Variants in TTBK2 observed in about 807,000 individuals in gnomAD.
The protein encoded by TTBK2 is tau-tubulin kinase 2.
A neutral mutation model predicts 110.8 loss-of-function variants in TTBK2; 28 were observed. That is an observed-to-expected ratio of 0.25 (90% CI 0.19 to 0.35). TTBK2 has a LOEUF of 0.35. Among genes scored for constraint, TTBK2 ranks in the 10% least tolerant of loss-of-function variants. The pLI, the probability that TTBK2 is intolerant of heterozygous loss-of-function variation, is 1.00. For synonymous variants in TTBK2, 532 were observed against 527.3 expected (o/e 1.01, Z -0.12); for missense variants, 1,369 against 1,500.3 (o/e 0.91, Z 1.45).
intron 1 of TTBK2, among the ~76,000 whole-genome samples, chr15:42,897,312 G>T (rs989194101): frequency 2.0e-5 from 3 of 152,062 alleles, no homozygotes; most frequent in African/African-American, 7.2e-5. Flanking sequence ...ATGTAACAGA[G>T]ATCTATAATC....
chr15:42,807,168 G>T (rs1471223773), intron 9 of TTBK2, among the ~76,000 whole-genome samples: 2 of 152,146 alleles, frequency 1.3e-5, no homozygotes, highest in East Asian at 3.8e-4. Context: ...AACCTGGAAA[G>T]TATATTAAGA....
intron 13 of TTBK2, among the ~76,000 whole-genome samples, chr15:42,760,384 C>CAAAAAAAAAAAA (rs3036888): frequency 2.2e-5 from 2 of 89,184 alleles, no homozygotes; most frequent in Non-Finnish European, 4.5e-5. Context: ...GACTCCATCT[C>CAAAAAAAAAAAA]AAAAAAAAAA....
At chr15:42,833,247 T>TAAAAAAA (rs35997543) in intron 4 of TTBK2, among the ~76,000 whole-genome samples, 20 of 74,832 alleles carry the variant, frequency 2.7e-4, no homozygotes, top group East Asian at 7.3e-4. Flanking sequence ...CCAAATTTTG[T>TAAAAAAA]AAAAAAAAAA....
intron 7 of TTBK2, among the ~76,000 whole-genome samples, chr15:42,816,499 ATATC>A (rs1274647233): frequency 6.6e-6 from 1 of 152,080 alleles, no homozygotes; most frequent in Non-Finnish European, 1.5e-5. Flanking sequence ...GCAGCTGCAC[ATATC>A]TATTATCCAC....
chr15:42,844,989 A>C (rs1595977164), intron 3 of TTBK2, among the ~76,000 whole-genome samples: 1 of 152,356 alleles, frequency 6.6e-6, no homozygotes, highest in East Asian at 1.9e-4. Context: ...ACGTAAACAA[A>C]AAAAGTAATA....
At chr15:42,782,017 A>G (rs537746583) in intron 11 of TTBK2, among the ~76,000 whole-genome samples, 2 of 152,278 alleles carry the variant, frequency 1.3e-5, no homozygotes, top group South Asian at 4.1e-4. Context: ...TTTCTCCTAG[A>G]TGACCAATAA....
At chr15:42,780,281 C>T (rs901148999) in intron 11 of TTBK2, among the ~76,000 whole-genome samples, 3 of 149,766 alleles carry the variant, frequency 2.0e-5, no homozygotes, top group Non-Finnish European at 3.0e-5. Context: ...GTTCCTCCCA[C>T]CTTGGCCTCC....
intron 9 of TTBK2, among the ~76,000 whole-genome samples, chr15:42,797,432 G>A (rs116329985): frequency 0.015 from 2,242 of 152,280 alleles, 65 homozygotes; most frequent in African/African-American, 0.052. Context: ...AAAGATGGAG[G>A]ACACAGAACA....
In TTBK2 at chr15:42,811,786, T is replaced by C. The variant is rs776205150; in HGVS notation, c.604-6A>G. The C allele has an allele frequency of 1.9e-6, 3 of 1,612,138 alleles. No homozygotes were observed. The highest frequency in any genetic ancestry group is 2.7e-5 in the African/African-American group (2 of 74,904). ...TCATCATGTCTTCCCATTTCCTTCA[T>C]AAACAAAACAGAATCCAGTCACATA... is the stretch of plus-strand genomic sequence containing the variant. On this transcript the variant is annotated splice_polypyrimidine_tract_variant and splice_region_variant and intron_variant, in intron 7 of 14. Coordinates refer to ENST00000267890, the MANE Select transcript of TTBK2 (RefSeq NM_173500.4).
chr15:42,858,083 A>C (rs1894015234), intron 3 of TTBK2, among the ~76,000 whole-genome samples: 1 of 137,812 alleles, frequency 7.3e-6, no homozygotes, highest in Admixed American at 6.8e-5. Flanking sequence ...AAAAACCCAA[A>C]ACAACAACAA....
At chr15:42,834,118 G>A (rs1350590449) in intron 4 of TTBK2, among the ~76,000 whole-genome samples, 1 of 149,032 alleles carries the variant, frequency 6.7e-6, no homozygotes, top group Non-Finnish European at 1.5e-5. Flanking sequence ...CTTGACCCCA[G>A]GAGGTAGAGG....
intron 1 of TTBK2, among the ~76,000 whole-genome samples, chr15:42,890,246 C>T (rs922272827): frequency 2.0e-5 from 3 of 152,206 alleles, no homozygotes; most frequent in Non-Finnish European, 4.4e-5. Flanking sequence ...ATCCCACAAC[C>T]CTTGCTGACT....
At chr15:42,857,762 G>T (rs950224971) in intron 3 of TTBK2, among the ~76,000 whole-genome samples, 18 of 151,722 alleles carry the variant, frequency 1.2e-4, no homozygotes, top group Non-Finnish European at 2.2e-4. Flanking sequence ...TGGATAAGTG[G>T]CAAAAACTTT....
At chr15:42,888,228 C>T (rs1895318999) in intron 1 of TTBK2, among the ~76,000 whole-genome samples, 1 of 152,134 alleles carries the variant, frequency 6.6e-6, no homozygotes, top group Admixed American at 6.5e-5. Flanking sequence ...TTTTCTTCCT[C>T]CCACCTGACA....
At chr15:42,765,452 C>T (rs755236510) in intron 13 of TTBK2, among the ~76,000 whole-genome samples, 2 of 152,112 alleles carry the variant, frequency 1.3e-5, no homozygotes, top group Non-Finnish European at 2.9e-5. Flanking sequence ...AACCATGGCA[C>T]GAGAACTACA....
rs552700813 is a variant in TTBK2 at position 42,765,945 on chromosome 15, A to G, written c.1998+9190T>C. Among the ~76,000 whole-genome samples, 5 of 152,344 alleles carry G rather than the reference A, an allele frequency of 3.3e-5. No homozygotes were observed. The South Asian group carries it at 1.0e-3, about 32-fold the overall frequency. The stretch of plus-strand genomic sequence containing the variant: ...CTTGGCAGAAACCCTACAAGCCAGA[A>G]GAGAGTGGGGGCCAATATTCAACAT... On this transcript the variant is annotated intron_variant, in intron 13 of 14. Coordinates refer to ENST00000267890, the MANE Select transcript of TTBK2 (RefSeq NM_173500.4).
chr15:42,878,732 A>C, intron 1 of TTBK2, 48 bp from the exon 2 acceptor site: 1 of 1,579,892 alleles, frequency 6.3e-7, no homozygotes, highest in Non-Finnish European at 8.6e-7. Flanking sequence ...GGGTTAACTA[A>C]TCAACACAAA....
chr15:42,910,771 C>A (rs571498618), intron 1 of TTBK2, among the ~76,000 whole-genome samples: 1 of 152,086 alleles, frequency 6.6e-6, no homozygotes, highest in African/African-American at 2.4e-5. Flanking sequence ...AGGGGCCTGG[C>A]GCAGTGGCTC....
intron 5 of TTBK2, 136 bp from the exon 6 acceptor site, chr15:42,828,168 T>C (rs1006840547): frequency 7.3e-6 from 5 of 684,636 alleles, no homozygotes; most frequent in African/African-American, 1.8e-5. Context: ...TTCTAGTAAA[T>C]GATGTTTAGT....
Sources: gnomAD v4.1 joint callset for allele counts (sites outside exome capture counted in the v4.1 genomes callset) on GRCh38, gnomAD v4.1.1 for gene constraint, MANE v1.5 for transcripts, NCBI Gene and HGNC (gene_info 2026-07-23, HGNC 2026-07-21) for gene names.